PPDPFL: variants seen among roughly 807,000 people sequenced by gnomAD.
The protein encoded by PPDPFL is pancreatic progenitor cell differentiation and proliferation factor-like protein.
A neutral mutation model predicts 12.6 loss-of-function variants in PPDPFL; 12 were observed. The observed-to-expected ratio is 0.95, with a 90% confidence interval of 0.61 to 1.54. The LOEUF (loss-of-function observed/expected upper bound fraction) is 1.54, where lower values mean the gene tolerates loss of function less well. Ranked by LOEUF, PPDPFL falls within the 40% of genes most tolerant of loss-of-function variation. The pLI is 0.00. For synonymous variants in PPDPFL, 24 were observed against 32.7 expected (o/e 0.73, Z 0.91); for missense variants, 114 against 96.0 (o/e 1.19, Z -0.78).
At chr8:49,073,630 T>C (rs1323411715) in intron 2 of PPDPFL, among the ~76,000 whole-genome samples, 1 of 152,210 alleles carries the variant, frequency 6.6e-6, no homozygotes, top group Non-Finnish European at 1.5e-5. Context: ...ACAAGCCTAA[T>C]AAGACAAAAT....
intron 1 of PPDPFL, among the ~76,000 whole-genome samples, chr8:49,064,842 G>T (rs1808269542): frequency 6.6e-6 from 1 of 152,096 alleles, no homozygotes; most frequent in East Asian, 1.9e-4. Context: ...TAGATCGGGG[G>T]AAAATGGTGT....
chr8:49,074,349 C>T lies in PPDPFL; in HGVS notation c.233+16C>T, dbSNP rs772978147. 1 of 1,609,508 alleles carries T rather than the reference C, an allele frequency of 6.2e-7. No homozygotes were observed. Among genetic ancestry groups the T allele is most frequent in the Non-Finnish European group, 8.5e-7 (1 of 1,175,882 alleles). On this transcript the variant is annotated intron_variant, in intron 4 of 4. Transcript: ENST00000522267. ...CTGCTACTGGGTGAGTTTTAGCCTT[C>T]TCTGGTAAGGGCAGTTCTTACTTAG... is the stretch of plus-strand genomic sequence containing the variant.
At chr8:49,073,610 G>T (rs2129246310) in intron 2 of PPDPFL, among the ~76,000 whole-genome samples, 1 of 152,184 alleles carries the variant, frequency 6.6e-6, no homozygotes, top group East Asian at 1.9e-4. Context: ...AAGAGACATA[G>T]GTTTTAAATA....
intron 2 of PPDPFL, 79 bp downstream of exon 2, chr8:49,072,964 T>C: frequency 8.0e-7 from 1 of 1,246,384 alleles, no homozygotes; most frequent in Admixed American, 2.0e-5. Flanking sequence ...AACACAGGTA[T>C]CATGTTACCT....
At chr8:49,055,131 TG>T (rs1169597278) in intron 1 of PPDPFL, among the ~76,000 whole-genome samples, 2 of 152,182 alleles carry the variant, frequency 1.3e-5, no homozygotes, top group East Asian at 3.9e-4. Context: ...TCCTTGGCTG[TG>T]GATCAGTTGG....
chr8:49,073,724 A>C (rs1286801753), intron 2 of PPDPFL, among the ~76,000 whole-genome samples: 1 of 152,200 alleles, frequency 6.6e-6, no homozygotes, highest in Non-Finnish European at 1.5e-5. Context: ...TAATATTTCT[A>C]ATGTAGTACA....
chr8:49,059,840 ACAG>A (rs1808169265), intron 1 of PPDPFL, among the ~76,000 whole-genome samples: 1 of 152,216 alleles, frequency 6.6e-6, no homozygotes, highest in Non-Finnish European at 1.5e-5. Context: ...GTTTCTGGCA[ACAG>A]CTTGAGAAAA....
rs1808097020 is a variant in PPDPFL at position 49,055,355 on chromosome 8, C to T, written c.-45+986C>T. Among the ~76,000 whole-genome samples the T allele has an allele frequency of 5.3e-5, 8 of 152,052 alleles. No homozygotes were observed. In the South Asian group the frequency reaches 1.7e-3, roughly 32 times the overall value. On this transcript the variant is annotated intron_variant, in intron 1 of 4. Coordinates refer to the PPDPFL transcript ENST00000517663. ...TTCTTGCCCCCTTTGTCTCATTTTG[C>T]ACCTTGGACACCACACTTATAATAA...
chr8:49,074,546 CAAT>C, intron 4 of PPDPFL: 9 of 1,536,714 alleles, frequency 5.9e-6, no homozygotes, highest in Non-Finnish European at 7.8e-6. Flanking sequence ...CTTTCCAGTT[CAAT>C]CACTCAAGAG....
At chr8:49,056,871 T>C (rs1047132357) in intron 1 of PPDPFL, among the ~76,000 whole-genome samples, 1 of 152,184 alleles carries the variant, frequency 6.6e-6, no homozygotes, top group African/African-American at 2.4e-5. Flanking sequence ...TGCAGTAGGG[T>C]GTGACATACA....
intron 4 of PPDPFL, 28 bp from the exon 5 acceptor site, chr8:49,075,124 C>T (rs1453972555): frequency 1.2e-6 from 2 of 1,611,140 alleles, no homozygotes; most frequent in Non-Finnish European, 1.7e-6. Context: ...TTATCCCCTC[C>T]TCTCTGACTA....
At chr8:49,057,373 T>G (rs1002782208) in intron 1 of PPDPFL, among the ~76,000 whole-genome samples, 2 of 152,174 alleles carry the variant, frequency 1.3e-5, no homozygotes, top group Non-Finnish European at 2.9e-5. Context: ...ATTCAATTAA[T>G]TAAAAGTTAA....
intron 1 of PPDPFL, among the ~76,000 whole-genome samples, chr8:49,059,534 G>A (rs1808163150): frequency 6.6e-6 from 1 of 152,090 alleles, no homozygotes; most frequent in Non-Finnish European, 1.5e-5. Flanking sequence ...TTCTGTCTTT[G>A]GCAAATATTT....
chr8:49,074,854 G>T, intron 4 of PPDPFL: 2 of 1,401,098 alleles, frequency 1.4e-6, no homozygotes, highest in Non-Finnish European at 1.9e-6. Flanking sequence ...ACTTATTTTG[G>T]ATTTTAGACA....
intron 2 of PPDPFL, 30 bp from the exon 3 acceptor site, chr8:49,074,029 T>C: frequency 3.4e-6 from 5 of 1,484,610 alleles, no homozygotes; most frequent in Non-Finnish European, 4.7e-6. Flanking sequence ...GCCAGTTATT[T>C]ATTTGTTTAA....
At position 49,074,323 on chromosome 8, in the gene PPDPFL, T is replaced by C. The variant is rs892771692; in HGVS notation, c.223T>C (p.Ser75Pro). The change falls in exon 4 of 5, where the codon TCT becomes CCT. Residue 75 changes from serine (S) to proline (P), a missense_variant. By Grantham distance (74) the Ser-to-Pro change is moderately conservative. Coordinates refer to ENST00000522267, the MANE Select transcript of PPDPFL (RefSeq NM_001256597.2). Reference sequence around the variant, plus strand: ...TTCAAATGTGAGAATAAAAGATCTGTCTGCTACTGGGTGAGTTTTAGCCTT... The same window carrying C: ...TTCAAATGTGAGAATAAAAGATCTGCCTGCTACTGGGTGAGTTTTAGCCTT... ...VLSNVRIKDL[S>P]ATGLQMSTL The C allele has an allele frequency of 3.7e-6, 6 of 1,613,756 alleles. No homozygotes were observed. The African/African-American group carries it at 5.3e-5, about 14-fold the overall frequency.
intron 1 of PPDPFL, among the ~76,000 whole-genome samples, chr8:49,063,044 A>C (rs1808238679): frequency 6.6e-6 from 1 of 152,178 alleles, no homozygotes; most frequent in Non-Finnish European, 1.5e-5. Flanking sequence ...GAAGTACATG[A>C]CATTTTGAGG....
chr8:49,055,588 T>A (rs982624560), intron 1 of PPDPFL, among the ~76,000 whole-genome samples: 2 of 152,180 alleles, frequency 1.3e-5, no homozygotes, highest in African/African-American at 2.4e-5. Context: ...CTTATATCTA[T>A]GAATAATGAA....
intron 4 of PPDPFL, 143 bp downstream of exon 4, chr8:49,074,476 T>C: frequency 6.5e-7 from 1 of 1,540,506 alleles, no homozygotes; most frequent in Non-Finnish European, 8.7e-7. Context: ...ACCTGAGGGA[T>C]GAGGGTGGCA....
Sources: gnomAD v4.1 joint callset for allele counts (sites outside exome capture counted in the v4.1 genomes callset) on GRCh38, gnomAD v4.1.1 for gene constraint, MANE v1.5 for transcripts, NCBI Gene and HGNC (gene_info 2026-07-23, HGNC 2026-07-21) for gene names.